The following FABP3 variants were observed in gnomAD, a reference collection of about 807,000 sequenced individuals.
FABP3 encodes fatty acid-binding protein, heart.
In FABP3, 8 loss-of-function variants were observed where a neutral mutation model predicts 13.4. The observed-to-expected ratio is 0.60, with a 90% CI of 0.35 to 1.07. The LOEUF is 1.07. Ranked by LOEUF, FABP3 falls within the 50% of genes least tolerant of loss-of-function variation. FABP3 has a pLI of 0.02. For missense variants in FABP3, 135 were observed against 164.7 expected (o/e 0.82, Z 0.99); for synonymous variants, 64 against 60.0 (o/e 1.07, Z -0.31).
chr1:31,373,043 T>G lies in FABP3; in HGVS notation c.-29A>C, dbSNP rs542521980. 1.2e-6 allele frequency: 2 copies of G among 1,611,812 alleles called. No individual in the cohort carries two copies. The highest frequency in any genetic ancestry group is 1.7e-6 in the Non-Finnish European group (2 of 1,178,418). On this transcript the variant is annotated 5_prime_UTR_variant, in exon 1 of 4. Coordinates refer to ENST00000373713, the MANE Select transcript of FABP3 (RefSeq NM_004102.5). Reference sequence around the variant, plus strand: ...GATGCTGGGCTAGGCTGAGAGAAGCTACAAGAGAGCAGGCGTGCAAGGGCT... The same window carrying G: ...GATGCTGGGCTAGGCTGAGAGAAGCGACAAGAGAGCAGGCGTGCAAGGGCT...
Position 31,369,195 on chromosome 1 carries a change from G to C in FABP3, c.246+190C>G, listed in dbSNP as rs536516619. 6 of 636,946 alleles carry C rather than the reference G, an allele frequency of 9.4e-6. No homozygotes were observed. The South Asian group carries it at 1.4e-4, about 15-fold the overall frequency. 39.5% of individuals were successfully genotyped at this position (636,946 alleles called of 1,614,324 possible). ...CAAGAAGGGAGGGAAGAAAACAAGA[G>C]GACAGAACTGACATGTATTTAGCAT... is the stretch of plus-strand genomic sequence containing the variant. On this transcript the variant is annotated intron_variant, in intron 2 of 3. Transcript: ENST00000373713.
chr1:31,368,567 G>A (rs1185177173), intron 2 of FABP3, among the ~76,000 whole-genome samples: 1 of 152,158 alleles, frequency 6.6e-6, no homozygotes, highest in African/African-American at 2.4e-5. Flanking sequence ...ACAGCTATGA[G>A]GAAGAGGAAA....
downstream of FABP3, among the ~76,000 whole-genome samples, chr1:31,361,960 C>A (rs1352922287): frequency 6.6e-6 from 1 of 152,022 alleles, no homozygotes; most frequent in Non-Finnish European, 1.5e-5. Flanking sequence ...TACAGGCCCG[C>A]GTAACCACAC....
downstream of FABP3, among the ~76,000 whole-genome samples, chr1:31,363,857 C>T (rs1031416808): frequency 2.0e-5 from 3 of 152,056 alleles, no homozygotes; most frequent in Admixed American, 2.0e-4. Context: ...GAGATGAGAT[C>T]TTGCTATGTT....
intron 1 of FABP3, 94 bp downstream of exon 1, chr1:31,372,848 T>TGGGGATCCCCCGC: frequency 7.9e-7 from 1 of 1,270,748 alleles, no homozygotes; most frequent in East Asian, 2.3e-5. Flanking sequence ...TCCCCAGTCT[T>TGGGGATCCCCCGC]AACCAGGAGG....
downstream of FABP3, chr1:31,364,090 C>A (rs755914102): frequency 1.2e-6 from 2 of 1,613,746 alleles, no homozygotes; most frequent in Non-Finnish European, 1.7e-6. Context: ...AGCTCAGACT[C>A]TGAGAGTGAT....
chr1:31,359,677 C>T, the FABP3 span, among the ~76,000 whole-genome samples: 1 of 152,152 alleles, frequency 6.6e-6, no homozygotes, highest in African/African-American at 2.4e-5. Context: ...AATGGGTAGA[C>T]TAGCTGCTCT....
At chr1:31,364,279 A>G, downstream of FABP3, 3 of 1,489,158 alleles carry the variant, frequency 2.0e-6, 1 homozygote, top group South Asian at 4.1e-5. Context: ...AATAGTGAGA[A>G]TATAGCCTCC....
At chr1:31,368,473 C>G (rs1298275855) in intron 2 of FABP3, among the ~76,000 whole-genome samples, 5 of 152,176 alleles carry the variant, frequency 3.3e-5, no homozygotes, top group African/African-American at 9.7e-5. Flanking sequence ...GGGGCAGCCA[C>G]CTTTATCCAA....
rs371423628 is a variant in FABP3 at position 31,365,837 on chromosome 1, C to T, written c.*49G>A. 23 of 1,554,156 alleles carry T rather than the reference C, an allele frequency of 1.5e-5. No homozygotes were observed. The highest frequency in any genetic ancestry group is 1.8e-5 in the Non-Finnish European group (20 of 1,126,284). Reference sequence around the variant, plus strand: ...GAAATGAGGCAATGTGGTGCTGAGTCGAGGGGTAGCCGATTGGCAGAGTAG... The same window carrying T: ...GAAATGAGGCAATGTGGTGCTGAGTTGAGGGGTAGCCGATTGGCAGAGTAG... On this transcript the variant is annotated 3_prime_UTR_variant, in exon 4 of 4. Coordinates refer to ENST00000373713, the MANE Select transcript of FABP3 (RefSeq NM_004102.5).
rs1055309338 is a variant in FABP3 at position 31,367,988 on chromosome 1, C to G, written c.247-494G>C. Among the ~76,000 whole-genome samples the G allele has an allele frequency of 1.1e-4, 17 of 152,222 alleles. No individual in the cohort carries two copies. The South Asian group carries it at 1.7e-3, about 15-fold the overall frequency. On this transcript the variant is annotated intron_variant, in intron 2 of 3. Transcript: ENST00000373713. ...TGATAGGAAGTATTGGATAATTAGA[C>G]TTCCTGCCCTGTATTCCTACACCTT...
chr1:31,364,785 C>T (rs17495262), downstream of FABP3: 18,292 of 152,860 alleles, frequency 0.12, 1,236 homozygotes, highest in Non-Finnish European at 0.15. Flanking sequence ...TGTGACTTAA[C>T]TTGTGTATTG....
downstream of FABP3, among the ~76,000 whole-genome samples, chr1:31,363,787 A>T (rs1372809449): frequency 2.0e-5 from 3 of 152,294 alleles, no homozygotes; most frequent in African/African-American, 7.2e-5. Flanking sequence ...ACTGTCTAAA[A>T]GAAAATTAAG....
In FABP3 at chr1:31,370,019, G is replaced by A. The variant is rs6693495; in HGVS notation, c.74-462C>T. Among the ~76,000 whole-genome samples, 5 of 150,038 alleles carry A rather than the reference G, an allele frequency of 3.3e-5. No individual in the cohort carries two copies. The South Asian group carries it at 1.1e-3, about 32-fold the overall frequency. ...ACTCAGGAGGCTGAGGCTGAGAATT[G>A]CTTGAACCTAGGAGGTGGAGGTTGC... On this transcript the variant is annotated intron_variant, in intron 1 of 3. Coordinates refer to ENST00000373713, the MANE Select transcript of FABP3 (RefSeq NM_004102.5).
downstream of FABP3, among the ~76,000 whole-genome samples, chr1:31,360,859 G>A (rs4949391): frequency 6.6e-6 from 1 of 151,998 alleles, no homozygotes; most frequent in Non-Finnish European, 1.5e-5. Context: ...AACTCATGAA[G>A]TTTGACTCTA....
intron 1 of FABP3, among the ~76,000 whole-genome samples, 159 bp downstream of exon 1, chr1:31,372,783 C>G (rs1640230339): frequency 6.6e-6 from 1 of 152,202 alleles, no homozygotes; most frequent in African/African-American, 2.4e-5. Flanking sequence ...CCAAAGCCCC[C>G]TCTGAACAGG....
rs150723706 is a variant in FABP3 at position 31,365,928 on chromosome 1, G to A, written c.360C>T (p.His120=). ...AAGTGCGAGTGCAAACTGCAGTGCCGTGGGTGAGTGTCTGGAAGGAAAGAC... is the reference window on the plus strand; with the variant it reads ...AAGTGCGAGTGCAAACTGCAGTGCCATGGGTGAGTGTCTGGAAGGAAAGAC... ...IDGKLILTLT[H]GTAVCTRTYE... The change falls in exon 4 of 4, where the codon CAC becomes CAT. Residue 120 remains histidine (H), a synonymous_variant. Coordinates refer to ENST00000373713, the MANE Select transcript of FABP3 (RefSeq NM_004102.5). 1.5e-4 allele frequency: 250 copies of A among 1,613,954 alleles called. No individual in the cohort carries two copies. In the African/African-American group the frequency reaches 1.7e-3, roughly 11 times the overall value.
downstream of FABP3, among the ~76,000 whole-genome samples, chr1:31,361,786 A>ATTATTTATTTATTTATTTATTTAT: frequency 6.9e-6 from 1 of 145,814 alleles, no homozygotes; most frequent in Non-Finnish European, 1.5e-5. Flanking sequence ...AGAGGGGGAG[A>ATTATTTATTTATTTATTTATTTAT]TTATTTATTT....
chr1:31,366,041 A>G (rs949275630), intron 3 of FABP3, 102 bp from the exon 4 acceptor site: 2 of 950,310 alleles, frequency 2.1e-6, no homozygotes, highest in East Asian at 2.7e-5. Flanking sequence ...AGTACCTACT[A>G]TGTGCCGGCT....
Sources: allele counts gnomAD v4.1 joint callset (sites outside exome capture counted in the v4.1 genomes callset), GRCh38; gene constraint gnomAD v4.1.1; transcripts MANE v1.5; gene names NCBI Gene and HGNC (gene_info 2026-07-23, HGNC 2026-07-21).